Variants in MECOM observed in about 807,000 individuals in gnomAD.
The protein encoded by MECOM is MDS1 and EVI1 complex locus, also known as histone-lysine N-methyltransferase MECOM.
MECOM carries 13 observed loss-of-function variants against 116.3 expected under a neutral mutation model. The observed-to-expected ratio is 0.11, with a 90% CI of 0.07 to 0.18. MECOM has a LOEUF of 0.18. Ranked by LOEUF, MECOM falls within the 10% of genes least tolerant of loss-of-function variation. The pLI, the probability that MECOM is intolerant of heterozygous loss-of-function variation, is 1.00. For synonymous variants in MECOM, 528 were observed against 535.2 expected, an observed-to-expected ratio of 0.99 and a Z score of 0.19; for missense variants, 1,299 against 1,509.0, an observed-to-expected ratio of 0.86 and a Z score of 2.31.
intron 2 of MECOM, among the ~76,000 whole-genome samples, chr3:169,163,599 G>T (rs1743155231): frequency 6.6e-6 from 1 of 152,110 alleles, no homozygotes; most frequent in African/African-American, 2.4e-5. Context: ...AACTCAATAA[G>T]ATTGAGTATA....
intron 12 of MECOM, among the ~76,000 whole-genome samples, chr3:169,096,692 C>G (rs1159554669): frequency 6.6e-6 from 1 of 152,176 alleles, no homozygotes; most frequent in Non-Finnish European, 1.5e-5. Flanking sequence ...TTCAAGTGCT[C>G]TAAAGCAGAA....
chr3:169,517,469 GAA>G (rs1756777910), intron 1 of MECOM, among the ~76,000 whole-genome samples: 1 of 152,108 alleles, frequency 6.6e-6, no homozygotes, highest in Non-Finnish European at 1.5e-5. Flanking sequence ...ACTATAAGGG[GAA>G]AAAAGATATT....
At chr3:169,450,174 G>GA (rs1212663551) in intron 1 of MECOM, among the ~76,000 whole-genome samples, 1 of 152,100 alleles carries the variant, frequency 6.6e-6, no homozygotes, top group Non-Finnish European at 1.5e-5. Flanking sequence ...GGCTATGCCA[G>GA]AACAAATATT....
intron 2 of MECOM, among the ~76,000 whole-genome samples, chr3:169,230,620 T>C (rs1156444350): frequency 1.3e-5 from 2 of 152,138 alleles, no homozygotes; most frequent in Non-Finnish European, 2.9e-5. Context: ...CTGAAATGGT[T>C]TAATTCTGCT....
chr3:169,305,334 A>G lies in MECOM; in HGVS notation c.375+75853T>C, dbSNP rs564749356. On this transcript the variant is annotated intron_variant, in intron 2 of 16. Transcript: ENST00000651503. ...GTGGAAAAGGTAGGTGTAACAAGTC[A>G]TCACAGAAGCCAAGGAGAATGATAA... Among the ~76,000 whole-genome samples, 201 of 152,332 alleles carry G rather than the reference A, an allele frequency of 1.3e-3. 1 individual carries two copies. The highest frequency in any genetic ancestry group is 4.6e-3 in the African/African-American group (193 of 41,574).
In MECOM at chr3:169,378,399, A is replaced by G. The variant is rs560522219; in HGVS notation, c.375+2788T>C. ...AAGGAAGGAAGACAAGAAAGAAAGA[A>G]AGAAAGAAAGAAAGAAAGAAAGAAA... On this transcript the variant is annotated intron_variant, in intron 2 of 16. Transcript: ENST00000651503. Among the ~76,000 whole-genome samples the G allele has an allele frequency of 6.5e-5, 3 of 45,970 alleles. 1 individual carries two copies. The Admixed American group carries it at 7.9e-4, about 12-fold the overall frequency. The allele number at this position is 45,970 out of a possible 152,430, so 30.2% of individuals were successfully genotyped here. A position where few individuals can be genotyped will look rare whatever the true frequency, so the allele number is the denominator to read the frequency against.
chr3:169,644,114 A>T (rs1220278631), intron 1 of MECOM, among the ~76,000 whole-genome samples: 1 of 152,332 alleles, frequency 6.6e-6, no homozygotes, highest in South Asian at 2.1e-4. Flanking sequence ...CTCTTGCACC[A>T]TAACTTATAA....
At chr3:169,305,459 A>G (rs1717499422) in intron 2 of MECOM, among the ~76,000 whole-genome samples, 1 of 152,234 alleles carries the variant, frequency 6.6e-6, no homozygotes, top group South Asian at 2.1e-4. Context: ...CACTTTAGAA[A>G]TCAGACCAGA....
At chr3:169,486,004 T>C (rs1370865044) in intron 1 of MECOM, among the ~76,000 whole-genome samples, 4 of 88,020 alleles carry the variant, frequency 4.5e-5, no homozygotes, top group Admixed American at 3.8e-4. Flanking sequence ...TGTATATATA[T>C]ACTATATATA....
intron 1 of MECOM, among the ~76,000 whole-genome samples, chr3:169,644,232 A>ATTTG (rs1297238574): frequency 1.4e-4 from 18 of 125,906 alleles, no homozygotes; most frequent in African/African-American, 4.7e-4. Flanking sequence ...TATTTTATTT[A>ATTTG]TTTGTTTATT....
intron 1 of MECOM, among the ~76,000 whole-genome samples, chr3:169,586,273 A>G (rs1765765450): frequency 6.6e-6 from 1 of 152,240 alleles, no homozygotes; most frequent in Admixed American, 6.5e-5. Flanking sequence ...TTTTTACATT[A>G]TAAACCACAC....
chr3:169,342,198 T>C (rs1011984182), intron 2 of MECOM, among the ~76,000 whole-genome samples: 1 of 152,090 alleles, frequency 6.6e-6, no homozygotes, highest in African/African-American at 2.4e-5. Context: ...ACCAAGTTTA[T>C]AATGAAATAT....
chr3:169,644,920 A>C (rs745372154), intron 1 of MECOM, among the ~76,000 whole-genome samples: 24 of 152,192 alleles, frequency 1.6e-4, no homozygotes, highest in Non-Finnish European at 3.2e-4. Context: ...ATACACACTC[A>C]TGCCTCTTTA....
At chr3:169,382,950 A>G (rs769362335) in intron 1 of MECOM, among the ~76,000 whole-genome samples, 38 of 151,454 alleles carry the variant, frequency 2.5e-4, no homozygotes, top group Non-Finnish European at 3.7e-4. Flanking sequence ...CCACGAGTTA[A>G]GGATGATGCA....
chr3:169,547,914 C>T (rs1343322126), intron 1 of MECOM, among the ~76,000 whole-genome samples: 1 of 152,130 alleles, frequency 6.6e-6, no homozygotes, highest in East Asian at 1.9e-4. Flanking sequence ...GAGAAGCACA[C>T]AATAGACTCG....
chr3:169,276,158 A>T (rs190592334), intron 2 of MECOM, among the ~76,000 whole-genome samples: 49 of 152,350 alleles, frequency 3.2e-4, no homozygotes, highest in African/African-American at 1.2e-3. Flanking sequence ...GGGTAAAAAG[A>T]TCAGGTTGGT....
chr3:169,263,392 T>G (rs1757862090), intron 2 of MECOM, among the ~76,000 whole-genome samples: 1 of 151,488 alleles, frequency 6.6e-6, no homozygotes, highest in Admixed American at 6.6e-5. Flanking sequence ...CCTCCCAAAG[T>G]GCTGGGATTA....
chr3:169,489,175 C>A (rs370846816), intron 1 of MECOM, among the ~76,000 whole-genome samples: 1 of 151,982 alleles, frequency 6.6e-6, no homozygotes, highest in African/African-American at 2.4e-5. Context: ...CTGAAATTGA[C>A]GCATAAATAA....
intron 1 of MECOM, among the ~76,000 whole-genome samples, chr3:169,466,590 G>A (rs976131480): frequency 6.6e-6 from 1 of 152,024 alleles, no homozygotes; most frequent in African/African-American, 2.4e-5. Context: ...CACTTTATTT[G>A]TTTGGGGTTT....
Sources: allele counts gnomAD v4.1 joint callset (sites outside exome capture counted in the v4.1 genomes callset), GRCh38; gene constraint gnomAD v4.1.1; transcripts MANE v1.5; gene names NCBI Gene and HGNC (gene_info 2026-07-23, HGNC 2026-07-21).